FBXL13: variants seen among roughly 807,000 people sequenced by gnomAD.
FBXL13 encodes the protein F-box and leucine rich repeat protein 13, also known as F-box and leucine-rich repeat protein 13.
In FBXL13, 67 loss-of-function variants were observed where a neutral mutation model predicts 83.6. That is an observed-to-expected ratio of 0.80 (90% CI 0.66 to 0.98). The LOEUF (loss-of-function observed/expected upper bound fraction) is 0.98. Ranked by LOEUF, FBXL13 falls within the 50% of genes least tolerant of loss-of-function variation. The probability of loss-of-function intolerance (pLI) is 0.00; values close to 1 mark genes in which losing one functional copy is unlikely to be tolerated. For synonymous variants in FBXL13, 272 were observed against 299.5 expected (o/e 0.91, Z 0.95); for missense variants, 822 against 866.5 (o/e 0.95, Z 0.64).
At chr7:103,022,456 G>C (rs1204837737) in intron 6 of FBXL13, among the ~76,000 whole-genome samples, 4 of 151,804 alleles carry the variant, frequency 2.6e-5, no homozygotes, top group Non-Finnish European at 5.9e-5. Flanking sequence ...TTGTGCACAT[G>C]TACCCTAGAA....
intron 10 of FBXL13, among the ~76,000 whole-genome samples, chr7:102,919,417 T>C (rs778713449): frequency 4.6e-5 from 7 of 152,174 alleles, no homozygotes; most frequent in Non-Finnish European, 1.0e-4. Flanking sequence ...ACAAATGCAT[T>C]GAAGCATTAA....
At chr7:103,059,147 G>A (rs1797619407) in intron 1 of FBXL13, among the ~76,000 whole-genome samples, 1 of 152,074 alleles carries the variant, frequency 6.6e-6, no homozygotes, top group Non-Finnish European at 1.5e-5. Flanking sequence ...GCGTGTGCCT[G>A]TAGCCCTAGC....
At chr7:102,850,542 C>T (rs752392937) in intron 17 of FBXL13, among the ~76,000 whole-genome samples, 11 of 152,082 alleles carry the variant, frequency 7.2e-5, no homozygotes, top group Non-Finnish European at 1.0e-4. Flanking sequence ...TTTTGAAAGC[C>T]TGACTATATC....
At chr7:102,834,114 G>GA (rs1562926289) in intron 17 of FBXL13, among the ~76,000 whole-genome samples, 17 of 113,776 alleles carry the variant, frequency 1.5e-4, no homozygotes, top group African/African-American at 5.2e-4. Flanking sequence ...AAGAAAGAAA[G>GA]AAAGAAAGAA....
At chr7:102,834,090 G>GGAAGGAAGGAAGGAAAGA (rs60060071) in intron 17 of FBXL13, among the ~76,000 whole-genome samples, 13 of 70,458 alleles carry the variant, frequency 1.8e-4, no homozygotes, top group South Asian at 1.0e-3. Context: ...GGAAAGAAAA[G>GGAAGGAAGGAAGGAAAGA]AAAGAAAGAA....
intron 6 of FBXL13, among the ~76,000 whole-genome samples, chr7:103,004,746 G>C (rs1790796883): frequency 6.6e-6 from 1 of 152,158 alleles, no homozygotes; most frequent in Admixed American, 6.5e-5. Context: ...TTCTCTTACT[G>C]TCTGCTGAGA....
intron 14 of FBXL13, among the ~76,000 whole-genome samples, chr7:102,879,948 C>T (rs1025238695): frequency 1.1e-4 from 16 of 152,188 alleles, no homozygotes; most frequent in African/African-American, 3.4e-4. Context: ...CCTCGTGATC[C>T]GCCCACCTGG....
intron 11 of FBXL13, among the ~76,000 whole-genome samples, chr7:102,902,419 CAGAA>C (rs1203443619): frequency 3.3e-5 from 5 of 152,092 alleles, no homozygotes; most frequent in African/African-American, 1.2e-4. Flanking sequence ...CTTTGCTGTG[CAGAA>C]GCTTTTCGAC....
intron 6 of FBXL13, among the ~76,000 whole-genome samples, chr7:102,969,459 T>C (rs1826349479): frequency 6.6e-6 from 1 of 150,422 alleles, no homozygotes; most frequent in African/African-American, 2.5e-5. Flanking sequence ...CATTAAGCAA[T>C]GCGTGACTGT....
chr7:102,929,971 T>C (rs769459412), intron 9 of FBXL13, among the ~76,000 whole-genome samples: 15 of 152,090 alleles, frequency 9.9e-5, no homozygotes, highest in African/African-American at 2.2e-4. Flanking sequence ...AAAGACCCGA[T>C]AGCATTGAAG....
chr7:103,040,853 C>T (rs948632379), intron 2 of FBXL13, among the ~76,000 whole-genome samples: 1 of 152,110 alleles, frequency 6.6e-6, no homozygotes, highest in Non-Finnish European at 1.5e-5. Flanking sequence ...ATTGATAGCA[C>T]TAAATGCCCA....
At chr7:102,999,500 T>A (rs1421798140) in intron 6 of FBXL13, among the ~76,000 whole-genome samples, 3 of 152,216 alleles carry the variant, frequency 2.0e-5, no homozygotes, top group Non-Finnish European at 2.9e-5. Flanking sequence ...GTATTAATTA[T>A]TCTTTAAATA....
chr7:102,881,585 G>T (rs922895765), intron 14 of FBXL13, among the ~76,000 whole-genome samples: 4 of 144,012 alleles, frequency 2.8e-5, no homozygotes, highest in Admixed American at 6.8e-5. Flanking sequence ...TGGGGGGGGT[G>T]GGTGTCTCAC....
At chr7:103,023,145 G>A (rs909281808) in intron 6 of FBXL13, among the ~76,000 whole-genome samples, 5 of 151,984 alleles carry the variant, frequency 3.3e-5, no homozygotes, top group East Asian at 1.9e-4. Context: ...GCGTGGTGGC[G>A]GGCACCTGTG....
At chr7:102,887,180 T>C (rs1203790075) in intron 11 of FBXL13, among the ~76,000 whole-genome samples, 3 of 152,184 alleles carry the variant, frequency 2.0e-5, no homozygotes, top group Non-Finnish European at 4.4e-5. Context: ...ATGTGGTCCA[T>C]AGACCAGCAG....
At chr7:102,821,970 TTATAGCCA>T in intron 19 of FBXL13, 62 bp downstream of exon 20, 1 of 1,495,092 alleles carries the variant, frequency 6.7e-7, no homozygotes, top group African/African-American at 1.4e-5. Context: ...ATTATGAACC[TTATAGCCA>T]TATACTATGT....
At chr7:102,939,503 A>G (rs185173034) in intron 8 of FBXL13, 1 of 1,614,024 alleles carries the variant, frequency 6.2e-7, no homozygotes, top group Non-Finnish European at 8.5e-7. Context: ...AAATCAACCA[A>G]CTTCGACCCA....
At chr7:102,826,858 T>C (rs1799824481) in intron 18 of FBXL13, among the ~76,000 whole-genome samples, 1 of 145,918 alleles carries the variant, frequency 6.9e-6, no homozygotes, top group Non-Finnish European at 1.5e-5. Context: ...TATATATATT[T>C]CCAAGAGAGG....
At chr7:103,064,399 A>T (rs901049401) in intron 1 of FBXL13, among the ~76,000 whole-genome samples, 2 of 152,242 alleles carry the variant, frequency 1.3e-5, no homozygotes, top group Non-Finnish European at 2.9e-5. Context: ...AATATTAGGA[A>T]GAGGGAAGTA....
Sources: allele counts gnomAD v4.1 joint callset (sites outside exome capture counted in the v4.1 genomes callset), GRCh38; gene constraint gnomAD v4.1.1; transcripts MANE v1.5; gene names NCBI Gene and HGNC (gene_info 2026-07-23, HGNC 2026-07-21).